IARS1: variants seen among roughly 807,000 people sequenced by gnomAD.
IARS1 encodes isoleucine--tRNA ligase, cytoplasmic.
In IARS1, 124 loss-of-function variants were observed where a neutral mutation model predicts 168.2. That is an observed-to-expected ratio of 0.74 (90% CI 0.64 to 0.86). The LOEUF (loss-of-function observed/expected upper bound fraction) is 0.86. Among genes scored for constraint, IARS1 ranks in the 40% least tolerant of loss-of-function variants. The probability of loss-of-function intolerance (pLI) is 0.00; values close to 1 mark genes in which losing one functional copy is unlikely to be tolerated. For synonymous variants in IARS1, 532 were observed against 529.4 expected, an observed-to-expected ratio of 1.00 and a Z score of -0.07; for missense variants, 1,452 against 1,515.8, an observed-to-expected ratio of 0.96 and a Z score of 0.70.
chr9:92,284,769 A>T (rs541606979), intron 6 of IARS1, among the ~76,000 whole-genome samples: 4 of 152,180 alleles, frequency 2.6e-5, no homozygotes, highest in Non-Finnish European at 5.9e-5. Flanking sequence ...ACTCTGACTC[A>T]AACAAACAAA....
rs1236552245 is a variant in IARS1, at chr9:92,253,440, A to G, written c.2151T>C (p.Tyr717=). Residue 717 remains tyrosine (Y), a synonymous_variant, in exon 21 of 34, where the codon TAT becomes TAC. Coordinates refer to ENST00000443024, the MANE Select transcript of IARS1 (RefSeq NM_002161.6). ...FETEMAAYRL[Y]TVVPRLVKFV... is the part of the protein sequence containing the mutation. The stretch of plus-strand genomic sequence containing the variant: ...ACTTGACCAGGCGAGGCACCACAGT[A>G]TAAAGCCTATAAGCTAAAAGTAAGA... 1 of 1,612,340 alleles carries G rather than the reference A, an allele frequency of 6.2e-7. No homozygotes were observed. Among genetic ancestry groups the G allele is most frequent in the Non-Finnish European group, 8.5e-7 (1 of 1,178,394 alleles).
intron 20 of IARS1, among the ~76,000 whole-genome samples, chr9:92,255,853 C>T (rs1830640888): frequency 1.3e-5 from 2 of 151,934 alleles, no homozygotes; most frequent in Admixed American, 1.3e-4. Flanking sequence ...ATTTCTTGTA[C>T]ATTTAAAAAC....
chr9:92,235,879 T>G (rs1258414439), intron 30 of IARS1, among the ~76,000 whole-genome samples: 1 of 152,166 alleles, frequency 6.6e-6, no homozygotes, highest in Admixed American at 6.5e-5. Context: ...AAATCCCACT[T>G]GGTGATGGTG....
Position 92,287,086 on chromosome 9 carries a change from C to T in IARS1, c.397-468G>A, listed in dbSNP as rs111363021. 5.4e-3 allele frequency among the ~76,000 whole-genome samples: 817 copies of T among 152,276 alleles called. 2 individuals are homozygous for T. The highest frequency in any genetic ancestry group is 7.9e-3 in the Non-Finnish European group (538 of 68,002). Reference sequence around the variant, plus strand: ...GTTATCACCATCAATGTGACATAGCCGCAACACATGCCACCTGATATAATG... The same window carrying T: ...GTTATCACCATCAATGTGACATAGCTGCAACACATGCCACCTGATATAATG... On this transcript the variant is annotated intron_variant, in intron 4 of 33. Coordinates refer to ENST00000443024, the MANE Select transcript of IARS1 (RefSeq NM_002161.6).
chr9:92,277,836 G>A (rs760513513), intron 9 of IARS1, 27 bp downstream of exon 9: 63 of 1,597,148 alleles, frequency 3.9e-5, no homozygotes, highest in Non-Finnish European at 4.9e-5. Flanking sequence ...TGTGGAGAGC[G>A]CCCACAGTAG....
rs753714072 is a variant in IARS1 at position 92,229,129 on chromosome 9, A to G, written c.3284-3T>C. The G allele has an allele frequency of 3.1e-6, 5 of 1,610,138 alleles. No homozygotes were observed. The Admixed American group carries it at 8.4e-5, about 27-fold the overall frequency. On this transcript the variant is annotated splice_polypyrimidine_tract_variant and splice_region_variant and intron_variant, in intron 30 of 33. Transcript: ENST00000443024. The stretch of plus-strand genomic sequence containing the variant: ...ATTTTCCAGGAGCAATACTCCACCT[A>G]AAAAGCCACAAAAATAACACCTCAA...
chr9:92,212,452 G>A (rs555474403), intron 33 of IARS1, among the ~76,000 whole-genome samples: 1 of 152,334 alleles, frequency 6.6e-6, no homozygotes, highest in South Asian at 2.1e-4. Flanking sequence ...CAGAAAGGCA[G>A]CACAGGTTAA....
chr9:92,234,306 GATTTA>G lies in IARS1; in HGVS notation c.3284-5185_3284-5181del, dbSNP rs547821220. 2.7e-4 allele frequency among the ~76,000 whole-genome samples: 41 copies of G among 152,300 alleles called. No homozygotes were observed. In the South Asian group the frequency reaches 7.3e-3, roughly 27 times the overall value. The stretch of plus-strand genomic sequence containing the variant: ...AAAGGCCAAACATTTAAAAATAACA[GATTTA>G]GCGATGATTTGTATGGTTTTTTCCC... On this transcript the variant is annotated intron_variant, in intron 30 of 33. Coordinates refer to ENST00000443024, the MANE Select transcript of IARS1 (RefSeq NM_002161.6).
intron 27 of IARS1, among the ~76,000 whole-genome samples, chr9:92,243,695 C>T (rs1200115277): frequency 6.6e-6 from 1 of 152,130 alleles, no homozygotes; most frequent in Non-Finnish European, 1.5e-5. Flanking sequence ...GCTTTTCAGG[C>T]CACAACAAGT....
chr9:92,251,751 A>G, intron 22 of IARS1, 57 bp downstream of exon 22: 1 of 1,138,912 alleles, frequency 8.8e-7, no homozygotes. Context: ...TGCAGCAAGT[A>G]GGTGCTGAAG....
At chr9:92,258,604 A>G (rs1831064041) in intron 19 of IARS1, among the ~76,000 whole-genome samples, 1 of 152,090 alleles carries the variant, frequency 6.6e-6, no homozygotes, top group Non-Finnish European at 1.5e-5. Flanking sequence ...AACAAAAACA[A>G]CAACTGGCGA....
rs116061003 is a variant in IARS1, at chr9:92,240,090, G to T, written c.3283+766C>A. On this transcript the variant is annotated intron_variant, in intron 30 of 33. Transcript: ENST00000443024. ...TACTTTTAGGTCACTTGGTTACAAG[G>T]TCCTTAGGTGGTCTGCTTTCTTCCT... is the stretch of plus-strand genomic sequence containing the variant. Among the ~76,000 whole-genome samples the T allele has an allele frequency of 7.2e-3, 1,096 of 152,154 alleles. 10 individuals are homozygous for T. The highest frequency in any genetic ancestry group is 0.025 in the African/African-American group (1,037 of 41,500).
intron 26 of IARS1, among the ~76,000 whole-genome samples, chr9:92,246,035 C>CA (rs1829149448): frequency 6.6e-6 from 1 of 152,162 alleles, no homozygotes; most frequent in African/African-American, 2.4e-5. Context: ...CTCGGCCTCC[C>CA]AAAGTGCTGG....
chr9:92,243,344 C>G, intron 27 of IARS1, 33 bp from the exon 28 acceptor site: 1 of 1,431,736 alleles, frequency 7.0e-7, no homozygotes, highest in Non-Finnish European at 9.8e-7. Flanking sequence ...CCATGACAAT[C>G]AAATAAGGAG....
chr9:92,235,673 C>T (rs1291928866), intron 30 of IARS1, among the ~76,000 whole-genome samples: 3 of 151,748 alleles, frequency 2.0e-5, no homozygotes, highest in Non-Finnish European at 4.4e-5. Context: ...ATTACAGGCA[C>T]GCGCCACCAT....
intron 9 of IARS1, among the ~76,000 whole-genome samples, chr9:92,275,537 G>A (rs547532983): frequency 6.6e-6 from 1 of 152,334 alleles, no homozygotes; most frequent in Non-Finnish European, 1.5e-5. Context: ...TATGATAGGT[G>A]CTAAAACTTC....
chr9:92,242,033 T>C, intron 29 of IARS1, 121 bp downstream of exon 29: 1 of 754,448 alleles, frequency 1.3e-6, no homozygotes, highest in South Asian at 1.7e-5. Context: ...TCCAGAGCAA[T>C]ACTTCAAGAC....
chr9:92,259,068 T>C (rs1367651767), intron 18 of IARS1, 70 bp from the exon 19 acceptor site: 7 of 1,329,320 alleles, frequency 5.3e-6, no homozygotes, highest in South Asian at 3.1e-5. Flanking sequence ...ACTCGACATA[T>C]TGAGAGAGCA....
rs886037873 is a variant in IARS1, at chr9:92,223,378, A to T, written c.3521T>A (p.Ile1174Asn). ...CTTTGCATTCAGGAGCTGTAGGTTGATATACTGACAAAGAAGAGTACTAGA... is the reference window on the plus strand; with the variant it reads ...CTTTGCATTCAGGAGCTGTAGGTTGTTATACTGACAAAGAAGAGTACTAGA... Reference protein sequence around the residue: ...NSSSTLLCQYINLQLLNAKPQ... With the variant: ...NSSSTLLCQYNNLQLLNAKPQ... The change falls in exon 32 of 34, where the codon ATC becomes AAC. Residue 1174 changes from isoleucine to asparagine, a missense_variant. Ile to Asn is a moderately radical substitution (Grantham distance 149). Coordinates refer to ENST00000443024, the MANE Select transcript of IARS1 (RefSeq NM_002161.6). 1 of 1,613,896 alleles carries T rather than the reference A, an allele frequency of 6.2e-7. No individual in the cohort carries two copies.
Sources: allele counts gnomAD v4.1 joint callset (sites outside exome capture counted in the v4.1 genomes callset), GRCh38; gene constraint gnomAD v4.1.1; transcripts MANE v1.5; gene names NCBI Gene and HGNC (gene_info 2026-07-23, HGNC 2026-07-21).